AAK1: variants seen among roughly 807,000 people sequenced by gnomAD.
AAK1 encodes the protein AP2 associated kinase 1, also known as AP2-associated protein kinase 1.
AAK1 carries 37 observed loss-of-function variants against 116.0 expected under a neutral mutation model. The ratio of observed to expected loss-of-function variants is 0.32; its 90% CI spans 0.25 to 0.42. The LOEUF (loss-of-function observed/expected upper bound fraction) is 0.42, where lower values mean the gene tolerates loss of function less well. Ranked by LOEUF, AAK1 falls within the 10% of genes least tolerant of loss-of-function variation. The pLI, the probability that AAK1 is intolerant of heterozygous loss-of-function variation, is 1.00. For synonymous variants in AAK1, 458 were observed against 439.9 expected (o/e 1.04, Z -0.51); for missense variants, 919 against 1,170.6 (o/e 0.79, Z 3.14).
chr2:69,543,773 A>C (rs1670818975), intron 4 of AAK1, among the ~76,000 whole-genome samples: 1 of 152,224 alleles, frequency 6.6e-6, no homozygotes, highest in Non-Finnish European at 1.5e-5. Flanking sequence ...ACACAGCACC[A>C]AACAGTAAGG....
At chr2:69,480,807 C>T (rs2104893817) in intron 19 of AAK1, 53 bp downstream of exon 19, 1 of 1,480,950 alleles carries the variant, frequency 6.8e-7, no homozygotes. Context: ...AAGACTGGCT[C>T]AGAGGTTCAC....
At chr2:69,534,011 A>G (rs1309754614) in intron 5 of AAK1, among the ~76,000 whole-genome samples, 1 of 152,248 alleles carries the variant, frequency 6.6e-6, no homozygotes, top group Admixed American at 6.5e-5. Context: ...TTAGGAATTT[A>G]AAATAATTCC....
rs148095420 is a variant in AAK1, at chr2:69,493,849, C to T, written c.2365+2136G>A. Among the ~76,000 whole-genome samples, 697 of 152,204 alleles carry T rather than the reference C, an allele frequency of 4.6e-3. 3 individuals are homozygous for T. Among genetic ancestry groups the T allele is most frequent in the Admixed American group, 8.8e-3 (134 of 15,304 alleles). ...AAGGGAAGGCTTTCCAAGCTGAGCA[C>T]CAGCAAGTGCAAAGTCCCCAGGGTG... On this transcript the variant is annotated intron_variant, in intron 17 of 21. Coordinates refer to ENST00000409085, the MANE Select transcript of AAK1 (RefSeq NM_014911.5).
intron 2 of AAK1, among the ~76,000 whole-genome samples, chr2:69,625,605 C>T (rs1674862623): frequency 6.6e-6 from 1 of 152,126 alleles, no homozygotes; most frequent in South Asian, 2.1e-4. Flanking sequence ...GTGGTGAGGT[C>T]ACTAAACAGG....
chr2:69,587,477 A>ATATT lies in AAK1; in HGVS notation c.164-30500_164-30499insAATA, dbSNP rs1553418808. ...TATGTGTGTGTATATATATATATAT[A>ATATT]TTTTTTTGATGTCGTTTCGCTCTTG... On this transcript the variant is annotated intron_variant, in intron 2 of 21. Coordinates refer to ENST00000409085, the MANE Select transcript of AAK1 (RefSeq NM_014911.5). Among the ~76,000 whole-genome samples, 459 of 145,696 alleles carry ATATT rather than the reference A, an allele frequency of 3.2e-3. 4 individuals carry two copies. The highest frequency in any genetic ancestry group is 0.011 in the African/African-American group (429 of 37,686).
chr2:69,522,748 G>C (rs1475432128), intron 10 of AAK1, among the ~76,000 whole-genome samples: 1 of 151,328 alleles, frequency 6.6e-6, no homozygotes, highest in Non-Finnish European at 1.5e-5. Context: ...AGGTTGCAGT[G>C]AGCCAAGATC....
chr2:69,614,916 T>C (rs1674255599), intron 2 of AAK1, among the ~76,000 whole-genome samples: 1 of 152,080 alleles, frequency 6.6e-6, no homozygotes, highest in South Asian at 2.1e-4. Context: ...CAAGAAATGA[T>C]TCTCCCCTGG....
chr2:69,463,213 A>G lies in AAK1; in HGVS notation c.*12656T>C, dbSNP rs986058989. 6.6e-6 allele frequency: 1 copy of G among 152,264 alleles called. No individual in the cohort carries two copies. The highest frequency in any genetic ancestry group is 1.5e-5 in the Non-Finnish European group (1 of 68,044). The allele number at this position is 152,264 out of a possible 1,614,324, so 9.4% of individuals were successfully genotyped here. A position where few individuals can be genotyped will look rare whatever the true frequency, so the allele number is the denominator to read the frequency against. On this transcript the variant is annotated 3_prime_UTR_variant, in exon 22 of 22. Coordinates refer to ENST00000409085, the MANE Select transcript of AAK1 (RefSeq NM_014911.5). ...GATCTGGCTTGGTAAATAGCTCTCCAAACTTCTACAGCTAATGGAAAAATC... is the reference window on the plus strand; with the variant it reads ...GATCTGGCTTGGTAAATAGCTCTCCGAACTTCTACAGCTAATGGAAAAATC...
At chr2:69,610,932 A>AT (rs1198416577) in intron 2 of AAK1, among the ~76,000 whole-genome samples, 1 of 152,234 alleles carries the variant, frequency 6.6e-6, no homozygotes, top group Admixed American at 6.5e-5. Flanking sequence ...GGAATGTAAT[A>AT]TGGTGCAGCT....
At chr2:69,547,823 T>C (rs2105064076) in intron 3 of AAK1, among the ~76,000 whole-genome samples, 1 of 152,188 alleles carries the variant, frequency 6.6e-6, no homozygotes, top group South Asian at 2.1e-4. Flanking sequence ...AGCCAAAATG[T>C]GAAAATAACC....
At chr2:69,481,604 A>C (rs1241546321) in intron 18 of AAK1, 1 of 152,164 alleles carries the variant, frequency 6.6e-6, no homozygotes, top group Non-Finnish European at 1.5e-5. Flanking sequence ...GCCCAAAGGC[A>C]TTATTAGGTG....
rs1674640263 is a variant in AAK1 at position 69,470,506 on chromosome 2, T to C, written c.*5363A>G. The C allele has an allele frequency of 1.0e-6, 1 of 985,332 alleles. No individual in the cohort carries two copies. The highest frequency in any genetic ancestry group is 1.7e-5 in the African/African-American group (1 of 57,236). 61.0% of individuals were successfully genotyped at this position (985,332 alleles called of 1,614,324 possible). On this transcript the variant is annotated 3_prime_UTR_variant, in exon 22 of 22. Coordinates refer to ENST00000409085, the MANE Select transcript of AAK1 (RefSeq NM_014911.5). The stretch of plus-strand genomic sequence containing the variant: ...TGAGGGACCTCATGGAAGCCAAAAA[T>C]GGCCAGCTGTGCCTCTCAGGCCAAT...
At chr2:69,517,779 A>C (rs1210080335) in intron 12 of AAK1, among the ~76,000 whole-genome samples, 1 of 133,028 alleles carries the variant, frequency 7.5e-6, no homozygotes, top group African/African-American at 2.8e-5. Flanking sequence ...GACAAAAAGC[A>C]AAAAAAAAAA....
At chr2:69,509,861 C>T (rs1676324405) in intron 13 of AAK1, among the ~76,000 whole-genome samples, 1 of 152,130 alleles carries the variant, frequency 6.6e-6, no homozygotes, top group Non-Finnish European at 1.5e-5. Context: ...TTTCAAAGGG[C>T]AAGCAATAGA....
chr2:69,501,981 A>G (rs1317274067), intron 16 of AAK1, among the ~76,000 whole-genome samples: 1 of 152,168 alleles, frequency 6.6e-6, no homozygotes, highest in Non-Finnish European at 1.5e-5. Flanking sequence ...ACACAAACAA[A>G]CAAACAGGAA....
chr2:69,499,761 C>A (rs1481847980), intron 16 of AAK1: 3 of 152,010 alleles, frequency 2.0e-5, no homozygotes, highest in Non-Finnish European at 4.4e-5. Flanking sequence ...AAGCAAACTG[C>A]AAAACTGAAT....
chr2:69,623,466 G>A (rs1195729976), intron 2 of AAK1, among the ~76,000 whole-genome samples: 7 of 152,024 alleles, frequency 4.6e-5, no homozygotes, highest in East Asian at 1.9e-4. Context: ...GCTCCCTCTG[G>A]TCACCCTCCA....
chr2:69,492,867 G>A (rs1675585567), intron 17 of AAK1, among the ~76,000 whole-genome samples: 1 of 151,924 alleles, frequency 6.6e-6, no homozygotes, highest in Non-Finnish European at 1.5e-5. Flanking sequence ...TAGAAGATGA[G>A]CATGTATGCA....
At chr2:69,479,136 T>C (rs887370891) in intron 19 of AAK1, 75 bp from the exon 20 acceptor site, 6 of 1,048,652 alleles carry the variant, frequency 5.7e-6, no homozygotes, top group East Asian at 2.4e-5. Flanking sequence ...TGAGATTAGA[T>C]CTTAGCTTTT....
Sources: allele counts gnomAD v4.1 joint callset (sites outside exome capture counted in the v4.1 genomes callset), GRCh38; gene constraint gnomAD v4.1.1; transcripts MANE v1.5; gene names NCBI Gene and HGNC (gene_info 2026-07-23, HGNC 2026-07-21).